Variants in EDEM2 observed in about 807,000 individuals in gnomAD.
EDEM2 encodes ER degradation-enhancing alpha-mannosidase-like protein 2.
In EDEM2, 39 loss-of-function variants were observed where a neutral mutation model predicts 64.8. The observed-to-expected ratio is 0.60, with a 90% CI of 0.47 to 0.79. EDEM2 has a LOEUF of 0.79. EDEM2 is among the 30% of genes least tolerant of loss of function. The probability of loss-of-function intolerance (pLI) is 0.00; values close to 1 mark genes in which losing one functional copy is unlikely to be tolerated. For missense variants in EDEM2, 609 were observed against 731.3 expected (o/e 0.83, Z 1.93); for synonymous variants, 296 against 291.5 (o/e 1.02, Z -0.16).
At chr20:35,142,970 C>A (rs1177973936) in intron 3 of EDEM2, among the ~76,000 whole-genome samples, 2 of 152,130 alleles carry the variant, frequency 1.3e-5, no homozygotes, top group African/African-American at 2.4e-5. Flanking sequence ...GTTGATCAGG[C>A]TGGTCTCAAA....
Position 35,128,915 on chromosome 20 carries a change from G to GT in EDEM2, c.845-2541dup, listed in dbSNP as rs532605638. On this transcript the variant is annotated intron_variant, in intron 7 of 10. Transcript: ENST00000374492. ...AGCATTATTACAAATGAGTCAAAAA[G>GT]TTTTTTAAAATTTTAAAGTTCATAA... Among the ~76,000 whole-genome samples, 5 of 151,182 alleles carry GT rather than the reference G, an allele frequency of 3.3e-5. No individual in the cohort carries two copies. The East Asian group carries it at 7.7e-4, about 23-fold the overall frequency.
rs1342998917 is a variant in EDEM2, at chr20:35,124,017, A to G, written c.987T>C (p.Ile329=). 6.2e-6 allele frequency: 10 copies of G among 1,613,390 alleles called. No individual in the cohort carries two copies. The highest frequency in any genetic ancestry group is 8.5e-6 in the Non-Finnish European group (10 of 1,179,554). ...WPGLQSLIGD[I]DNAMRTFLNY... ...TGAGGAAGGTCCTCATGGCATTGTCAATGTCTCCAATGAGGCTCTGTGGGA... is the reference window on the plus strand; with the variant it reads ...TGAGGAAGGTCCTCATGGCATTGTCGATGTCTCCAATGAGGCTCTGTGGGA... The change falls in exon 9 of 11, where the codon ATT becomes ATC. Residue 329 remains isoleucine (I), a synonymous_variant. Coordinates refer to ENST00000374492, the MANE Select transcript of EDEM2 (RefSeq NM_018217.3).
chr20:35,119,976 G>T (rs2085349718), intron 9 of EDEM2, among the ~76,000 whole-genome samples: 1 of 152,228 alleles, frequency 6.6e-6, no homozygotes, highest in East Asian at 1.9e-4. Flanking sequence ...ATCTCCCCCT[G>T]ACCTTCTCCT....
At chr20:35,127,922 T>A (rs2085456208) in intron 7 of EDEM2, among the ~76,000 whole-genome samples, 1 of 152,242 alleles carries the variant, frequency 6.6e-6, no homozygotes, top group South Asian at 2.1e-4. Context: ...TATAATGCAA[T>A]GCATTACTTA....
intron 2 of EDEM2, among the ~76,000 whole-genome samples, chr20:35,145,512 T>C (rs1471872153): frequency 3.9e-5 from 6 of 152,218 alleles, no homozygotes; most frequent in African/African-American, 1.2e-4. Flanking sequence ...TATGTGCTGA[T>C]GGAAAGACAT....
chr20:35,121,906 C>T (rs1044438051), intron 9 of EDEM2, among the ~76,000 whole-genome samples: 4 of 152,004 alleles, frequency 2.6e-5, no homozygotes, highest in African/African-American at 9.7e-5. Flanking sequence ...GTGATCCTCC[C>T]AGGTAGCTGG....
intron 9 of EDEM2, 74 bp downstream of exon 9, chr20:35,123,816 A>T (rs145210117): frequency 2.0e-4 from 307 of 1,544,912 alleles, no homozygotes; most frequent in Non-Finnish European, 2.6e-4. Flanking sequence ...TGGAGGATGG[A>T]GCCTTGTAGA....
At chr20:35,118,468 A>T in intron 10 of EDEM2, 130 bp downstream of exon 10, 2 of 1,371,104 alleles carry the variant, frequency 1.5e-6, no homozygotes, top group Non-Finnish European at 2.0e-6. Flanking sequence ...GTAAAATATG[A>T]GCATTATGTA....
chr20:35,129,054 A>T (rs2085473774), intron 7 of EDEM2, among the ~76,000 whole-genome samples: 1 of 150,862 alleles, frequency 6.6e-6, no homozygotes, highest in African/African-American at 2.4e-5. Flanking sequence ...ATCACCTGAG[A>T]TCAGGAGTTT....
Position 35,144,988 on chromosome 20 carries a change from G to A in EDEM2, c.249C>T (p.Asp83=), listed in dbSNP as rs1248178759. Residue 83 remains aspartate (D), a synonymous_variant, in exon 3 of 11, where the codon GAC becomes GAT. Coordinates refer to ENST00000374492, the MANE Select transcript of EDEM2 (RefSeq NM_018217.3). ...SFSLTLIDAL[D]TLLILGNVSE... is the part of the protein sequence containing the mutation. ...CAGACGAGATACTTACCAGCAAGGT[G>A]TCCAGTGCATCAATTAGAGTCAGAG... The A allele has an allele frequency of 1.2e-6, 2 of 1,613,962 alleles. No individual in the cohort carries two copies. The highest frequency in any genetic ancestry group is 2.7e-5 in the African/African-American group (2 of 74,932).
At chr20:35,117,781 T>C (rs1387598558) in intron 10 of EDEM2, among the ~76,000 whole-genome samples, 1 of 152,208 alleles carries the variant, frequency 6.6e-6, no homozygotes, top group Non-Finnish European at 1.5e-5. Flanking sequence ...GCTTGGTTCC[T>C]GCATGGATGT....
At chr20:35,147,019 A>C in intron 1 of EDEM2, 84 bp from the exon 2 acceptor site, 2 of 1,558,196 alleles carry the variant, frequency 1.3e-6, no homozygotes, top group Non-Finnish European at 1.7e-6. Context: ...GGAAAGTGGG[A>C]ATCACTAGCT....
At chr20:35,146,382 T>C (rs1486833559) in intron 2 of EDEM2, among the ~76,000 whole-genome samples, 1 of 151,986 alleles carries the variant, frequency 6.6e-6, no homozygotes, top group Non-Finnish European at 1.5e-5. Flanking sequence ...CAGCAGCCAG[T>C]GATGGGAGGA....
chr20:35,130,258 C>T (rs1347088246), intron 7 of EDEM2, among the ~76,000 whole-genome samples: 3 of 151,810 alleles, frequency 2.0e-5, no homozygotes, highest in Non-Finnish European at 4.4e-5. Context: ...TTTGTAGAGA[C>T]GAGGTCTCAC....
At chr20:35,123,788 T>A in intron 9 of EDEM2, 102 bp downstream of exon 9, 1 of 1,410,294 alleles carries the variant, frequency 7.1e-7, no homozygotes, top group Non-Finnish European at 9.6e-7. Flanking sequence ...TGGAAAGAAA[T>A]GAACTTGTGG....
At chr20:35,144,095 G>A (rs1177184615) in intron 3 of EDEM2, among the ~76,000 whole-genome samples, 1 of 151,726 alleles carries the variant, frequency 6.6e-6, no homozygotes, top group Non-Finnish European at 1.5e-5. Context: ...TTTTGGTAGA[G>A]ACGGGGTTTC....
chr20:35,133,773 G>C (rs2085539324), intron 6 of EDEM2, among the ~76,000 whole-genome samples: 1 of 152,116 alleles, frequency 6.6e-6, no homozygotes, highest in South Asian at 2.1e-4. Context: ...AGCCTTAGGG[G>C]GGCACCTTCT....
intron 4 of EDEM2, among the ~76,000 whole-genome samples, chr20:35,138,346 G>GC (rs1569181570): frequency 9.2e-5 from 14 of 152,140 alleles, no homozygotes; most frequent in Admixed American, 6.6e-4. Context: ...AAGTACTACT[G>GC]TCCCCTCTTC....
intron 5 of EDEM2, among the ~76,000 whole-genome samples, chr20:35,135,997 A>T (rs2085570991): frequency 1.3e-5 from 2 of 152,080 alleles, no homozygotes; most frequent in Non-Finnish European, 2.9e-5. Flanking sequence ...AGAGGCAGAG[A>T]TTTCCTCTCT....
Sources: gnomAD v4.1 joint callset for allele counts (sites outside exome capture counted in the v4.1 genomes callset) on GRCh38, gnomAD v4.1.1 for gene constraint, MANE v1.5 for transcripts, NCBI Gene and HGNC (gene_info 2026-07-23, HGNC 2026-07-21) for gene names.